TLK1: variants seen among roughly 807,000 people sequenced by gnomAD.
TLK1 encodes the protein serine/threonine-protein kinase tousled-like 1.
A neutral mutation model predicts 105.3 loss-of-function variants in TLK1; 24 were observed. That is an observed-to-expected ratio of 0.23 (90% CI 0.17 to 0.32). The LOEUF is 0.32. Ranked by LOEUF, TLK1 falls within the 10% of genes least tolerant of loss-of-function variation. TLK1 has a pLI of 1.00. For synonymous variants in TLK1, 321 were observed against 310.4 expected (o/e 1.03, Z -0.36); for missense variants, 558 against 910.5 (o/e 0.61, Z 4.98).
chr2:171,137,510 T>C (rs925829582), intron 1 of TLK1, among the ~76,000 whole-genome samples: 7 of 152,176 alleles, frequency 4.6e-5, no homozygotes, highest in Non-Finnish European at 8.8e-5. Flanking sequence ...CATGCACATA[T>C]GCCTTGTTTA....
In TLK1 at chr2:171,079,898, T is replaced by C. The variant is rs141252594; in HGVS notation, c.330+2883A>G. On this transcript the variant is annotated intron_variant, in intron 3 of 20. Coordinates refer to ENST00000431350, the MANE Select transcript of TLK1 (RefSeq NM_012290.5). Reference sequence around the variant, plus strand: ...GGTGAGTTAAAACCATCACAAATCCTAAGAGGGATTCAACAGAAAATGTCC... The same window carrying C: ...GGTGAGTTAAAACCATCACAAATCCCAAGAGGGATTCAACAGAAAATGTCC... Among the ~76,000 whole-genome samples, 558 of 152,176 alleles carry C rather than the reference T, an allele frequency of 3.7e-3. 6 individuals carry two copies. Among genetic ancestry groups the C allele is most frequent in the African/African-American group, 0.013 (521 of 41,530 alleles).
intron 1 of TLK1, among the ~76,000 whole-genome samples, chr2:171,203,765 ATGGGCCG>A (rs1485871450): frequency 6.6e-6 from 1 of 152,142 alleles, no homozygotes; most frequent in African/African-American, 2.4e-5. Context: ...AAAAGAAAAG[ATGGGCCG>A]TGTGCAGTGG....
At chr2:171,107,960 C>T (rs540758824) in intron 2 of TLK1, among the ~76,000 whole-genome samples, 119 of 151,746 alleles carry the variant, frequency 7.8e-4, no homozygotes, top group Admixed American at 2.4e-3. Context: ...AGGAGGCTTA[C>T]GCATGAGGAT....
intron 1 of TLK1, among the ~76,000 whole-genome samples, chr2:171,193,667 C>T (rs1255457773): frequency 7.0e-6 from 1 of 143,832 alleles, no homozygotes; most frequent in African/African-American, 2.7e-5. Context: ...TCCCAAAGTG[C>T]TGGGATTATA....
rs1485859096 is a variant in TLK1 at position 170,993,777 on chromosome 2, A to C, written c.*3T>G. 3 of 1,558,032 alleles carry C rather than the reference A, an allele frequency of 1.9e-6. No individual in the cohort carries two copies. Among genetic ancestry groups the C allele is most frequent in the South Asian group, 1.3e-5 (1 of 79,822 alleles). ...AAGATATCATGCCAATCTTGGAGGA[A>C]AGTCAGTAAGTAATTATGCTTGAAG... is the stretch of plus-strand genomic sequence containing the variant. On this transcript the variant is annotated 3_prime_UTR_variant, in exon 21 of 21. Coordinates refer to ENST00000431350, the MANE Select transcript of TLK1 (RefSeq NM_012290.5).
intron 1 of TLK1, among the ~76,000 whole-genome samples, chr2:171,124,079 T>A (rs998794161): frequency 2.0e-5 from 3 of 152,190 alleles, no homozygotes; most frequent in African/African-American, 7.2e-5. Flanking sequence ...ATTAAACAAA[T>A]TTTTGAAATA....
intron 11 of TLK1, among the ~76,000 whole-genome samples, chr2:171,041,899 A>C (rs562570632): frequency 6.6e-6 from 1 of 152,232 alleles, no homozygotes; most frequent in South Asian, 2.1e-4. Flanking sequence ...AAGAAGTTTT[A>C]AAAGATAGTT....
chr2:171,196,037 C>CAAAA (rs71013021), intron 1 of TLK1, among the ~76,000 whole-genome samples: 1,141 of 111,898 alleles, frequency 0.01, 19 homozygotes, highest in African/African-American at 0.032. Flanking sequence ...GACTCTGTAT[C>CAAAA]AAAAAAAAAA....
chr2:171,002,534 A>G (rs1180250927), intron 18 of TLK1, among the ~76,000 whole-genome samples: 1 of 152,110 alleles, frequency 6.6e-6, no homozygotes, highest in East Asian at 1.9e-4. Flanking sequence ...TCGGCCTCCC[A>G]AAGTGCTGGG....
chr2:170,995,505 A>T (rs1359319158), intron 20 of TLK1, among the ~76,000 whole-genome samples: 1 of 151,576 alleles, frequency 6.6e-6, no homozygotes, highest in Non-Finnish European at 1.5e-5. Context: ...GCCTTTGGCA[A>T]CTCCACTCCT....
At chr2:171,065,759 G>A (rs1375345079) in intron 3 of TLK1, among the ~76,000 whole-genome samples, 10 of 152,134 alleles carry the variant, frequency 6.6e-5, no homozygotes, top group Non-Finnish European at 1.3e-4. Flanking sequence ...GGATGGTCTC[G>A]ATCTCCTGAC....
chr2:171,228,600 T>A (rs1235778360), intron 1 of TLK1, among the ~76,000 whole-genome samples: 3 of 152,154 alleles, frequency 2.0e-5, no homozygotes, highest in African/African-American at 7.2e-5. Context: ...ATTAAGTAGG[T>A]ATTATTGTGG....
chr2:171,036,557 T>A (rs940424429), intron 11 of TLK1, among the ~76,000 whole-genome samples: 4 of 152,220 alleles, frequency 2.6e-5, no homozygotes, highest in African/African-American at 9.7e-5. Context: ...AAATGGAGTT[T>A]GAATGGATTT....
chr2:171,100,846 T>C (rs976376118), intron 2 of TLK1, among the ~76,000 whole-genome samples: 2 of 151,996 alleles, frequency 1.3e-5, no homozygotes, highest in African/African-American at 2.4e-5. Flanking sequence ...AACTAAAACA[T>C]ATGTCTACAA....
At chr2:171,059,876 G>A (rs1370164302) in intron 4 of TLK1, 1 of 947,088 alleles carries the variant, frequency 1.1e-6, no homozygotes, top group Non-Finnish European at 1.7e-6. Context: ...CCGCTGATCT[G>A]ACAGGAGGCC....
chr2:171,160,641 A>C lies in TLK1; in HGVS notation c.-213T>G. The C allele has an allele frequency of 4.7e-6, 3 of 643,376 alleles. No individual in the cohort carries two copies. The highest frequency in any genetic ancestry group is 7.3e-6 in the Non-Finnish European group (3 of 412,284). The allele number at this position is 643,376 out of a possible 1,614,324, so 39.9% of individuals were successfully genotyped here. On this transcript the variant is annotated 5_prime_UTR_variant, in exon 1 of 21. Coordinates refer to ENST00000431350, the MANE Select transcript of TLK1 (RefSeq NM_012290.5). This position sits in a 1 kb window ranked among gnomAD's most constrained non-coding sequence, Gnocchi z 4.4. Reference sequence around the variant, plus strand: ...AAGGAGAGGGGACAGGGAGGAGGGAAAGGGGGAGAAGCGAGGGAGCGAGCG... The same window carrying C: ...AAGGAGAGGGGACAGGGAGGAGGGACAGGGGGAGAAGCGAGGGAGCGAGCG...
chr2:170,996,862 T>C (rs1187743553), intron 19 of TLK1, 102 bp from the exon 20 acceptor site: 30 of 934,064 alleles, frequency 3.2e-5, no homozygotes, highest in Non-Finnish European at 4.5e-5. Flanking sequence ...AATCCAAATA[T>C]CTTGTGTTCT....
intron 3 of TLK1, among the ~76,000 whole-genome samples, chr2:171,063,896 G>A (rs1052598715): frequency 2.6e-5 from 4 of 152,282 alleles, no homozygotes; most frequent in Middle Eastern, 3.4e-3. Flanking sequence ...GACAACATTC[G>A]TTAAATACTT....
chr2:171,076,687 CAGG>C (rs1035870712), intron 3 of TLK1, among the ~76,000 whole-genome samples: 7 of 148,630 alleles, frequency 4.7e-5, no homozygotes, highest in African/African-American at 1.7e-4. Context: ...ATCACAAGGT[CAGG>C]AGATCAAGAG....
Sources: allele counts gnomAD v4.1 joint callset (sites outside exome capture counted in the v4.1 genomes callset), GRCh38; gene constraint gnomAD v4.1.1; non-coding constraint Gnocchi (gnomAD v3.1); transcripts MANE v1.5; gene names NCBI Gene and HGNC (gene_info 2026-07-23, HGNC 2026-07-21).